Variants in TRMT9B observed in about 807,000 individuals in gnomAD.
The protein encoded by TRMT9B is probable tRNA methyltransferase 9B.
TRMT9B carries 16 observed loss-of-function variants against 11.5 expected under a neutral mutation model. That is an observed-to-expected ratio of 1.39 (90% CI 0.94 to 2.11). The LOEUF is 2.11. Among genes scored for constraint, TRMT9B ranks in the 30% most tolerant of loss-of-function variants. TRMT9B has a pLI of 0.00. For missense variants in TRMT9B, 941 were observed against 553.8 expected, an observed-to-expected ratio of 1.70 and a Z score of -7.02; for synonymous variants, 274 against 192.4, an observed-to-expected ratio of 1.42 and a Z score of -3.51.
chr8:12,990,041 C>G (rs1474137), intron 1 of TRMT9B, among the ~76,000 whole-genome samples: 4 of 152,038 alleles, frequency 2.6e-5, no homozygotes, highest in African/African-American at 9.7e-5. Context: ...GGAAGGCACA[C>G]GCATCTCTGA....
chr8:12,995,884 C>T (rs1808249844), intron 2 of TRMT9B, among the ~76,000 whole-genome samples: 1 of 152,100 alleles, frequency 6.6e-6, no homozygotes, highest in African/African-American at 2.4e-5. Flanking sequence ...ATATAAAGAG[C>T]CACATAAACA....
chr8:12,988,657 A>G (rs1806762484), intron 1 of TRMT9B, among the ~76,000 whole-genome samples: 1 of 152,158 alleles, frequency 6.6e-6, no homozygotes. Context: ...CTCACTCACT[A>G]TCATGAGAAC....
At chr8:12,982,714 G>T (rs960210512) in intron 1 of TRMT9B, among the ~76,000 whole-genome samples, 6 of 151,898 alleles carry the variant, frequency 4.0e-5, no homozygotes, top group African/African-American at 1.5e-4. Context: ...TTTAGTACAG[G>T]TTGGATATTT....
chr8:13,011,758 G>A lies in TRMT9B; in HGVS notation c.155-926G>A, dbSNP rs547307359. ...AAAAATTGTCTATTTAAGAAAAAAA[G>A]TAGTTTTTATAATCTGAGTTGTATA... On this transcript the variant is annotated intron_variant, in intron 3 of 4. Transcript: ENST00000524591. The A allele has an allele frequency of 8.8e-4, 850 of 965,602 alleles. 4 individuals carry two copies. Among genetic ancestry groups the A allele is most frequent in the South Asian group, 3.1e-3 (64 of 20,954 alleles). 59.8% of individuals were successfully genotyped at this position (965,602 alleles called of 1,614,324 possible).
chr8:12,952,947 T>A, intron 1 of TRMT9B, among the ~76,000 whole-genome samples: 1 of 152,002 alleles, frequency 6.6e-6, no homozygotes, highest in East Asian at 1.9e-4. Flanking sequence ...ACCATGTTGG[T>A]CAGGCTGGTC....
At position 12,963,690 on chromosome 8, in the gene TRMT9B, G is replaced by C. The variant is rs1314700654; in HGVS notation, c.-200+17724G>C. On this transcript the variant is annotated intron_variant, in intron 1 of 4. Transcript: ENST00000524591. Reference sequence around the variant, plus strand: ...CTTGAGCCTTGGAGGTCAATGCTATGATGAGCCGTGATTGCACCACTGCAC... The same window carrying C: ...CTTGAGCCTTGGAGGTCAATGCTATCATGAGCCGTGATTGCACCACTGCAC... Among the ~76,000 whole-genome samples the C allele has an allele frequency of 5.3e-5, 8 of 149,750 alleles. No individual in the cohort carries two copies. The East Asian group carries it at 1.6e-3, about 30-fold the overall frequency.
intron 1 of TRMT9B, among the ~76,000 whole-genome samples, chr8:12,978,540 A>G (rs1804826067): frequency 6.6e-6 from 1 of 151,934 alleles, no homozygotes; most frequent in African/African-American, 2.4e-5. Flanking sequence ...AGATAGATAG[A>G]TAGATAGATA....
At chr8:13,001,189 C>T (rs1809370472) in intron 2 of TRMT9B, among the ~76,000 whole-genome samples, 1 of 152,166 alleles carries the variant, frequency 6.6e-6, no homozygotes, top group Admixed American at 6.5e-5. Flanking sequence ...ACACAGACTC[C>T]AAGTGATCAC....
intron 1 of TRMT9B, among the ~76,000 whole-genome samples, chr8:12,965,606 G>T (rs1212861178): frequency 2.0e-5 from 3 of 150,458 alleles, no homozygotes; most frequent in Admixed American, 6.6e-5. Context: ...AAAAGGCTTA[G>T]TTGTCTGATT....
chr8:12,955,594 C>A (rs755632117), intron 1 of TRMT9B, among the ~76,000 whole-genome samples: 2 of 152,172 alleles, frequency 1.3e-5, no homozygotes, highest in Non-Finnish European at 2.9e-5. Flanking sequence ...CTGCGAATGT[C>A]AAATAGGCAC....
chr8:12,983,560 C>T (rs1476150321), intron 1 of TRMT9B, among the ~76,000 whole-genome samples: 1 of 152,100 alleles, frequency 6.6e-6, no homozygotes, highest in Non-Finnish European at 1.5e-5. Context: ...ATCTCAGCTG[C>T]TCAGGAGGCT....
At position 13,012,817 on chromosome 8, in the gene TRMT9B, C is replaced by G; in HGVS notation, c.288C>G (p.Pro96=). Residue 96 remains proline (P), a synonymous_variant, in exon 4 of 5, where the codon CCC becomes CCG. Coordinates refer to ENST00000524591, the MANE Select transcript of TRMT9B (RefSeq NM_020844.3). The part of the protein sequence containing the change: ...EAMVCDNLNL[P]FRDEGFDAII... ...TGGTATGTGACAACCTTAATCTCCC[C>G]TTTAGGGATGAGGGCTTCGATGCCA... is the stretch of plus-strand genomic sequence containing the variant. 1 of 1,613,952 alleles carries G rather than the reference C, an allele frequency of 6.2e-7. No individual in the cohort carries two copies.
intron 1 of TRMT9B, among the ~76,000 whole-genome samples, chr8:12,948,318 G>C (rs1585042798): frequency 6.6e-6 from 1 of 151,298 alleles, no homozygotes; most frequent in Admixed American, 6.6e-5. Context: ...AGTACTAGAA[G>C]TATAACTTCT....
At chr8:12,994,348 CTT>C (rs1411231658) in intron 2 of TRMT9B, among the ~76,000 whole-genome samples, 11 of 152,250 alleles carry the variant, frequency 7.2e-5, no homozygotes, top group Non-Finnish European at 1.5e-4. Flanking sequence ...AAAAATAAAA[CTT>C]TTTTATTTTT....
intron 1 of TRMT9B, among the ~76,000 whole-genome samples, chr8:12,947,137 G>A (rs976404935): frequency 2.6e-5 from 4 of 152,112 alleles, no homozygotes; most frequent in East Asian, 1.9e-4. Context: ...ATTCTGACTG[G>A]GTCACTGTGG....
rs1014748622 is a variant in TRMT9B, at chr8:13,024,719, T to C, written c.*2675T>C. 6.0e-6 allele frequency: 1 copy of C among 167,078 alleles called. No individual in the cohort carries two copies. Among genetic ancestry groups the C allele is most frequent in the African/African-American group, 2.4e-5 (1 of 41,462 alleles). The allele number at this position is 167,078 out of a possible 1,614,324, so 10.3% of individuals were successfully genotyped here. On this transcript the variant is annotated 3_prime_UTR_variant, in exon 5 of 5. Coordinates refer to ENST00000524591, the MANE Select transcript of TRMT9B (RefSeq NM_020844.3). ...GGTTCTTTGGAGAGAAATATTTTCA[T>C]GTACGTTTGACAGGGGTGTAAATAA...
intron 1 of TRMT9B, among the ~76,000 whole-genome samples, chr8:12,985,133 A>C (rs1330446221): frequency 2.0e-5 from 3 of 152,108 alleles, no homozygotes; most frequent in African/African-American, 7.2e-5. Context: ...GCTCTCAGGG[A>C]GTATTTGATC....
chr8:12,997,703 C>G (rs971137580), intron 2 of TRMT9B, among the ~76,000 whole-genome samples: 4 of 152,104 alleles, frequency 2.6e-5, no homozygotes, highest in African/African-American at 4.8e-5. Flanking sequence ...TTTGGATATT[C>G]TAGCATATGT....
At position 12,992,603 on chromosome 8, in the gene TRMT9B, G is replaced by A. The variant is rs151292484; in HGVS notation, c.-2+1572G>A. On this transcript the variant is annotated intron_variant, in intron 2 of 4. Coordinates refer to ENST00000524591, the MANE Select transcript of TRMT9B (RefSeq NM_020844.3). Reference sequence around the variant, plus strand: ...ACAGTGGCTCATGCTTGCAATCCCAGCATTTTGAGAGGCCGGGTTAGGCAG... The same window carrying A: ...ACAGTGGCTCATGCTTGCAATCCCAACATTTTGAGAGGCCGGGTTAGGCAG... Among the ~76,000 whole-genome samples the A allele has an allele frequency of 3.5e-3, 537 of 152,124 alleles. 2 individuals are homozygous for A. The highest frequency in any genetic ancestry group is 0.012 in the African/African-American group (503 of 41,492).
Sources: gnomAD v4.1 joint callset for allele counts (sites outside exome capture counted in the v4.1 genomes callset) on GRCh38, gnomAD v4.1.1 for gene constraint, MANE v1.5 for transcripts, NCBI Gene and HGNC (gene_info 2026-07-23, HGNC 2026-07-21) for gene names.